Variants in PILRA observed in about 807,000 individuals in gnomAD.
The protein encoded by PILRA is paired immunoglobin like type 2 receptor alpha.
PILRA carries 37 observed loss-of-function variants against 33.1 expected under a neutral mutation model. The ratio of observed to expected loss-of-function variants is 1.12; its 90% CI spans 0.86 to 1.47. The LOEUF is 1.47. Among genes scored for constraint, PILRA ranks in the 40% most tolerant of loss-of-function variants. The pLI, the probability that PILRA is intolerant of heterozygous loss-of-function variation, is 0.00. For synonymous variants in PILRA, 146 were observed against 149.9 expected (o/e 0.97, Z 0.19); for missense variants, 312 against 376.2 (o/e 0.83, Z 1.41).
In PILRA at chr7:100,374,177, C is replaced by T. The variant is rs773561675; in HGVS notation, c.198C>T (p.Asp66=). The change falls in exon 2 of 7, where the codon GAC becomes GAT. Residue 66 remains aspartate (D), a synonymous_variant. Coordinates refer to ENST00000198536, the MANE Select transcript of PILRA (RefSeq NM_013439.3). The part of the protein sequence containing the change: ...YYPWELATAP[D]VRISWRRGHF... ...CCTGGGAGTTAGCCACAGCTCCCGA[C>T]GTGAGAATATCCTGGAGACGGGGCC... The T allele has an allele frequency of 1.1e-5, 17 of 1,614,114 alleles. No individual in the cohort carries two copies. The highest frequency in any genetic ancestry group is 1.3e-5 in the African/African-American group (1 of 74,982).
At chr7:100,374,557 C>A in intron 2 of PILRA, 124 bp downstream of exon 2, 1 of 1,116,904 alleles carries the variant, frequency 9.0e-7, no homozygotes, top group Non-Finnish European at 1.3e-6. Context: ...CTCTCTTTGG[C>A]CCCTAACACT....
intron 2 of PILRA, among the ~76,000 whole-genome samples, chr7:100,379,178 C>T (rs1240243166): frequency 6.7e-6 from 1 of 150,114 alleles, no homozygotes; most frequent in African/African-American, 2.5e-5. Flanking sequence ...CTCAGGTGGG[C>T]TGATCACCTG....
intron 2 of PILRA, among the ~76,000 whole-genome samples, chr7:100,383,416 G>A (rs1396710762): frequency 6.6e-6 from 1 of 152,184 alleles, no homozygotes; most frequent in Non-Finnish European, 1.5e-5. Flanking sequence ...ATCCAAGCTA[G>A]ACACTGATTG....
chr7:100,390,277 A>G (rs1204126352), intron 3 of PILRA, among the ~76,000 whole-genome samples, 171 bp downstream of exon 3: 3 of 152,062 alleles, frequency 2.0e-5, no homozygotes, highest in African/African-American at 7.2e-5. Context: ...AGGCTCCTGC[A>G]GTGGGGCGGG....
upstream of PILRA, among the ~76,000 whole-genome samples, chr7:100,373,017 C>G (rs1025978991): frequency 6.6e-6 from 1 of 152,188 alleles, no homozygotes; most frequent in East Asian, 1.9e-4. Flanking sequence ...CGAGAGAGGG[C>G]CTGGGGCAGG....
intron 2 of PILRA, among the ~76,000 whole-genome samples, chr7:100,383,958 T>C (rs752989409): frequency 2.6e-5 from 4 of 152,012 alleles, no homozygotes; most frequent in African/African-American, 4.8e-5. Context: ...CTTAAAAGCA[T>C]CCCTCTCGCT....
intron 2 of PILRA, chr7:100,376,482 G>A: frequency 8.5e-6 from 1 of 118,074 alleles, no homozygotes; most frequent in East Asian, 2.5e-4. Flanking sequence ...AGAAAAAAGT[G>A]TTTTTTTTTT....
chr7:100,390,542 A>C (rs1344063362), intron 3 of PILRA, among the ~76,000 whole-genome samples: 1 of 151,950 alleles, frequency 6.6e-6, no homozygotes, highest in Non-Finnish European at 1.5e-5. Context: ...TAAACCATAG[A>C]CTCTGCTCTC....
intron 3 of PILRA, 44 bp downstream of exon 3, chr7:100,390,150 G>A: frequency 6.4e-7 from 1 of 1,564,532 alleles, no homozygotes; most frequent in Non-Finnish European, 8.8e-7. Context: ...TCCCATCTGG[G>A]GGTTTCTCAA....
At chr7:100,378,778 T>C (rs1791010439) in intron 2 of PILRA, among the ~76,000 whole-genome samples, 1 of 152,128 alleles carries the variant, frequency 6.6e-6, no homozygotes, top group Non-Finnish European at 1.5e-5. Context: ...TATGAATCCT[T>C]AATAATTGTC....
chr7:100,379,241 A>C (rs1791025834), intron 2 of PILRA, among the ~76,000 whole-genome samples: 2 of 151,582 alleles, frequency 1.3e-5, no homozygotes, highest in Admixed American at 6.6e-5. Context: ...TTGTCTGTGC[A>C]TGGTGGTGTG....
At chr7:100,379,052 C>G (rs1041832015) in intron 2 of PILRA, among the ~76,000 whole-genome samples, 1 of 143,952 alleles carries the variant, frequency 6.9e-6, no homozygotes, top group Admixed American at 7.0e-5. Context: ...GAGATCGTGC[C>G]ACTGCACTCC....
intron 2 of PILRA, among the ~76,000 whole-genome samples, chr7:100,377,113 C>T (rs1790968834): frequency 2.0e-5 from 3 of 151,542 alleles, no homozygotes; most frequent in Admixed American, 6.6e-5. Flanking sequence ...ATGCAACAAA[C>T]TAAAGGAATA....
intron 2 of PILRA, among the ~76,000 whole-genome samples, chr7:100,377,442 C>T (rs1584212448): frequency 6.6e-6 from 1 of 151,670 alleles, no homozygotes; most frequent in African/African-American, 2.4e-5. Flanking sequence ...GGGGTTTCAC[C>T]GTGTTAGCCA....
At chr7:100,390,676 G>A (rs1208963333) in intron 3 of PILRA, among the ~76,000 whole-genome samples, 1 of 152,182 alleles carries the variant, frequency 6.6e-6, no homozygotes, top group Non-Finnish European at 1.5e-5. Flanking sequence ...CTTCCCAGAG[G>A]TGATATATGC....
intron 3 of PILRA, among the ~76,000 whole-genome samples, chr7:100,391,806 AGAG>A (rs1791395999): frequency 6.6e-6 from 1 of 152,216 alleles, no homozygotes; most frequent in South Asian, 2.1e-4. Context: ...AATGGGGAAG[AGAG>A]GAGATCATGC....
rs1049461635 is a variant in PILRA, at chr7:100,376,485, T to TTG, written c.454+2053_454+2054insGT. 10 of 146,352 alleles carry TTG rather than the reference T, an allele frequency of 6.8e-5. No individual in the cohort carries two copies. In the South Asian group the frequency reaches 8.4e-4, roughly 12 times the overall value. 9.1% of individuals were successfully genotyped at this position (146,352 alleles called of 1,614,324 possible). On this transcript the variant is annotated intron_variant, in intron 2 of 6. Coordinates refer to ENST00000198536, the MANE Select transcript of PILRA (RefSeq NM_013439.3). The stretch of plus-strand genomic sequence containing the variant: ...AGTAATAAAAAGAGAAAAAAGTGTT[T>TTG]TTTTTTTTTTTTTTTGAGACAAAAT...
intron 2 of PILRA, among the ~76,000 whole-genome samples, chr7:100,381,313 G>A (rs1466849470): frequency 1.3e-5 from 2 of 151,762 alleles, no homozygotes; most frequent in Admixed American, 1.3e-4. Context: ...GGGTATAGTG[G>A]CACATGCCTG....
chr7:100,392,020 G>A (rs1791398747), intron 3 of PILRA, among the ~76,000 whole-genome samples: 1 of 152,038 alleles, frequency 6.6e-6, no homozygotes, highest in Non-Finnish European at 1.5e-5. Context: ...TGTTTGCAAT[G>A]GGCTAGGCAT....
Sources: allele counts gnomAD v4.1 joint callset (sites outside exome capture counted in the v4.1 genomes callset), GRCh38; gene constraint gnomAD v4.1.1; transcripts MANE v1.5; gene names NCBI Gene and HGNC (gene_info 2026-07-23, HGNC 2026-07-21).